Variants in NEK11 observed in about 807,000 individuals in gnomAD.
The protein encoded by NEK11 is serine/threonine-protein kinase Nek11.
A neutral mutation model predicts 80.7 loss-of-function variants in NEK11; 72 were observed. The observed-to-expected ratio is 0.89, with a 90% CI of 0.74 to 1.08. The LOEUF (loss-of-function observed/expected upper bound fraction) is 1.08. NEK11 is among the 50% of genes least tolerant of loss of function. The probability of loss-of-function intolerance (pLI) is 0.00; values close to 1 mark genes in which losing one functional copy is unlikely to be tolerated. For missense variants in NEK11, 764 were observed against 763.6 expected, an observed-to-expected ratio of 1.00 and a Z score of -0.01; for synonymous variants, 251 against 260.7, an observed-to-expected ratio of 0.96 and a Z score of 0.36.
intron 15 of NEK11, among the ~76,000 whole-genome samples, chr3:131,232,320 A>G (rs2095345798): frequency 6.6e-6 from 1 of 152,202 alleles, no homozygotes; most frequent in Non-Finnish European, 1.5e-5. Flanking sequence ...CTACAGGCTG[A>G]CGAGTGTTTT....
At chr3:131,031,380 C>G (rs1453527406) in intron 3 of NEK11, among the ~76,000 whole-genome samples, 1 of 152,098 alleles carries the variant, frequency 6.6e-6, no homozygotes, top group African/African-American at 2.4e-5. Context: ...AAATTTCTGA[C>G]AATTATTAGA....
intron 4 of NEK11, among the ~76,000 whole-genome samples, chr3:131,081,901 C>T (rs2075330905): frequency 1.3e-5 from 2 of 152,198 alleles, no homozygotes; most frequent in Admixed American, 6.5e-5. Context: ...AACAACCTTG[C>T]CTGCTTTACA....
intron 5 of NEK11, among the ~76,000 whole-genome samples, chr3:131,132,137 G>A (rs955074629): frequency 8.6e-5 from 13 of 151,630 alleles, no homozygotes; most frequent in African/African-American, 3.1e-4. Context: ...TGAATAATTC[G>A]CAGGGATTTT....
intron 14 of NEK11, among the ~76,000 whole-genome samples, chr3:131,206,327 CTGTAAGATATAGTAGT>C (rs2094439227): frequency 6.6e-6 from 1 of 152,180 alleles, no homozygotes; most frequent in Admixed American, 6.5e-5. Flanking sequence ...TCCAGATAGG[CTGTAAGATATAGTAGT>C]TGCAAGTTTC....
chr3:131,174,071 AT>A (rs2092858148), intron 14 of NEK11, among the ~76,000 whole-genome samples: 1 of 152,218 alleles, frequency 6.6e-6, no homozygotes, highest in African/African-American at 2.4e-5. Context: ...TTAATATTAA[AT>A]TCAAAAAATA....
chr3:131,152,456 C>T lies in NEK11; in HGVS notation c.716C>T (p.Ser239Phe). 1 of 1,613,566 alleles carries T rather than the reference C, an allele frequency of 6.2e-7. No homozygotes were observed. The highest frequency in any genetic ancestry group is 8.5e-7 in the Non-Finnish European group (1 of 1,179,594). The change falls in exon 8 of 18, where the codon TCC (serine) becomes TTC (phenylalanine). Residue 239 changes from serine to phenylalanine, a missense_variant. By Grantham distance (155) the Ser-to-Phe change is radical (BLOSUM62 -2). Coordinates refer to ENST00000383366, the MANE Select transcript of NEK11 (RefSeq NM_024800.5). ...NHAFAGSNFL[S>F]IVLKIVEGDT... ...GCATTCGCTGGCTCCAATTTCTTAT[C>T]CATTGTTTTAAAAATTGTTGAAGGT...
chr3:131,057,677 A>C (rs939918454), intron 3 of NEK11, among the ~76,000 whole-genome samples: 1 of 151,956 alleles, frequency 6.6e-6, no homozygotes, highest in Non-Finnish European at 1.5e-5. Context: ...TTGGCTGCAT[A>C]AATGTCTTCT....
intron 5 of NEK11, among the ~76,000 whole-genome samples, chr3:131,112,532 T>C (rs1023445138): frequency 1.3e-5 from 2 of 152,140 alleles, no homozygotes; most frequent in East Asian, 3.9e-4. Flanking sequence ...ATGTAAAAAA[T>C]CATCAAATTT....
intron 17 of NEK11, among the ~76,000 whole-genome samples, chr3:131,344,143 G>T (rs1225299344): frequency 6.6e-6 from 1 of 152,178 alleles, no homozygotes; most frequent in Non-Finnish European, 1.5e-5. Flanking sequence ...TCTGGACATA[G>T]GTTGTTAGAA....
At chr3:131,334,044 C>T (rs2097139819) in intron 17 of NEK11, among the ~76,000 whole-genome samples, 1 of 152,114 alleles carries the variant, frequency 6.6e-6, no homozygotes, top group Non-Finnish European at 1.5e-5. Context: ...CCACTGTCAA[C>T]ATTAGACAGA....
chr3:131,238,028 A>G (rs1047549082), intron 15 of NEK11, among the ~76,000 whole-genome samples: 16 of 152,100 alleles, frequency 1.1e-4, no homozygotes, highest in Admixed American at 2.6e-4. Context: ...CAACATGAGA[A>G]TTGTCCTCAC....
At chr3:131,349,191 C>G (rs1315753962) in intron 17 of NEK11, among the ~76,000 whole-genome samples, 1 of 152,150 alleles carries the variant, frequency 6.6e-6, no homozygotes, top group Non-Finnish European at 1.5e-5. Flanking sequence ...GCTTTTTCTT[C>G]ATTGCACTTA....
intron 5 of NEK11, among the ~76,000 whole-genome samples, chr3:131,126,959 C>CTTTTTTTTT (rs71133688): frequency 7.2e-4 from 65 of 90,126 alleles, no homozygotes; most frequent in African/African-American, 2.2e-3. Flanking sequence ...TTCTTTCTTT[C>CTTTTTTTTT]TTTTTTTTTT....
intron 16 of NEK11, among the ~76,000 whole-genome samples, chr3:131,267,698 C>T (rs1436597335): frequency 1.3e-5 from 2 of 151,928 alleles, no homozygotes; most frequent in African/African-American, 4.8e-5. Flanking sequence ...TCTGGCTGCC[C>T]TTAACCTTTT....
Position 131,178,312 on chromosome 3 carries a change from C to T in NEK11, c.1399+7425C>T, listed in dbSNP as rs115901762. Among the ~76,000 whole-genome samples, 524 of 152,274 alleles carry T rather than the reference C, an allele frequency of 3.4e-3. 1 individual carries two copies. Among genetic ancestry groups the T allele is most frequent in the African/African-American group, 0.012 (498 of 41,572 alleles). ...TTATTTTGAAAATATTTTTCTTCAA[C>T]AGTAAATTAACCTCAGCTTACTGTA... On this transcript the variant is annotated intron_variant, in intron 14 of 17. Transcript: ENST00000383366.
At chr3:131,124,635 A>T (rs1166312947) in intron 5 of NEK11, among the ~76,000 whole-genome samples, 1 of 152,208 alleles carries the variant, frequency 6.6e-6, no homozygotes, top group Non-Finnish European at 1.5e-5. Flanking sequence ...CCACACCAAG[A>T]GAACCCCAAG....
chr3:131,161,430 C>T (rs1474668395), intron 10 of NEK11, among the ~76,000 whole-genome samples: 1 of 152,038 alleles, frequency 6.6e-6, no homozygotes, highest in East Asian at 1.9e-4. Context: ...ATGGAATCAA[C>T]CTAAATGCCC....
At chr3:131,100,512 A>G (rs1444514929) in intron 4 of NEK11, among the ~76,000 whole-genome samples, 2 of 152,176 alleles carry the variant, frequency 1.3e-5, no homozygotes, top group African/African-American at 2.4e-5. Context: ...CAAGGTTGCA[A>G]TGAGCTGAGA....
chr3:131,227,072 G>A (rs76823094), intron 14 of NEK11, among the ~76,000 whole-genome samples: 1 of 151,616 alleles, frequency 6.6e-6, no homozygotes, highest in African/African-American at 2.4e-5. Flanking sequence ...AATACGCTGT[G>A]TTGAAATTGC....
Sources: gnomAD v4.1 joint callset for allele counts (sites outside exome capture counted in the v4.1 genomes callset) on GRCh38, gnomAD v4.1.1 for gene constraint, MANE v1.5 for transcripts, NCBI Gene and HGNC (gene_info 2026-07-23, HGNC 2026-07-21) for gene names.